Variants in ZNF462 observed in about 807,000 individuals in gnomAD.
ZNF462 encodes zinc finger protein 462.
A neutral mutation model predicts 201.9 loss-of-function variants in ZNF462; 10 were observed. The ratio of observed to expected loss-of-function variants is 0.05; its 90% CI spans 0.03 to 0.08. The LOEUF (loss-of-function observed/expected upper bound fraction) is 0.08. ZNF462 is among the 10% of genes least tolerant of loss of function. ZNF462 has a pLI of 1.00. For missense variants in ZNF462, 2,523 were observed against 3,168.3 expected, an observed-to-expected ratio of 0.80 and a Z score of 4.89; for synonymous variants, 1,227 against 1,193.3, an observed-to-expected ratio of 1.03 and a Z score of -0.58.
chr9:106,860,850 G>C (rs1297851726), upstream of ZNF462, among the ~76,000 whole-genome samples: 2 of 152,016 alleles, frequency 1.3e-5, no homozygotes, highest in Admixed American at 1.3e-4. This position sits in a 1 kb window ranked among gnomAD's most constrained non-coding sequence, Gnocchi z 7.1. Flanking sequence ...AGGTCCCTCC[G>C]GGCACTCGGA....
chr9:106,930,581 C>T lies in ZNF462; in HGVS notation c.5904C>T (p.Tyr1968=). 1.2e-6 allele frequency: 2 copies of T among 1,614,120 alleles called. No homozygotes were observed. Among genetic ancestry groups the T allele is most frequent in the African/African-American group, 1.3e-5 (1 of 75,016 alleles). The change falls in exon 4 of 13, where the codon TAC becomes TAT. Residue 1968 remains tyrosine (Y), a synonymous_variant. Coordinates refer to ENST00000277225, the MANE Select transcript of ZNF462 (RefSeq NM_021224.6). This position sits in a 1 kb window ranked among gnomAD's most constrained non-coding sequence, Gnocchi z 5.8. ...PKIKERKVVG[Y]KCKFCVEVHP... is the part of the protein sequence containing the mutation. Reference sequence around the variant, plus strand: ...TCAAGGAGAGGAAAGTGGTGGGCTACAAATGTAAATTCTGTGTGGAAGTGC... The same window carrying T: ...TCAAGGAGAGGAAAGTGGTGGGCTATAAATGTAAATTCTGTGTGGAAGTGC...
chr9:106,936,786 A>T (rs995374972), intron 6 of ZNF462, among the ~76,000 whole-genome samples: 2 of 152,162 alleles, frequency 1.3e-5, no homozygotes, highest in African/African-American at 2.4e-5. Context: ...CTGGGAAGAG[A>T]TGATTCGGCC....
chr9:106,966,456 T>C lies in ZNF462; in HGVS notation c.6428-5549T>C, dbSNP rs976575870. Among the ~76,000 whole-genome samples the C allele has an allele frequency of 1.3e-5, 2 of 152,154 alleles. No homozygotes were observed. The highest frequency in any genetic ancestry group is 2.9e-5 in the Non-Finnish European group (2 of 68,004). On this transcript the variant is annotated intron_variant, in intron 7 of 12. Transcript: ENST00000277225. The surrounding 1 kb of genome is among the most constrained non-coding windows in gnomAD (Gnocchi z 4.4). The stretch of plus-strand genomic sequence containing the variant: ...TTAGCACACTAATTAATACTAGTTA[T>C]ATTTATTAATGGACACTCATAGTTC...
rs1377681972 is a variant in ZNF462 at position 106,865,674 on chromosome 9, T to C, written c.-31+2319T>C. Among the ~76,000 whole-genome samples, 1 of 152,230 alleles carries C rather than the reference T, an allele frequency of 6.6e-6. No individual in the cohort carries two copies. The highest frequency in any genetic ancestry group is 2.4e-5 in the African/African-American group (1 of 41,458). ...AAGTACTCTTAAGTCTTCAGAAATA[T>C]CAGTATGTCTTCTTAACAATGTCGC... On this transcript the variant is annotated intron_variant, in intron 1 of 12. Transcript: ENST00000277225. The surrounding 1 kb of genome is among the most constrained non-coding windows in gnomAD (Gnocchi z 4.1).
At chr9:106,975,175 C>T (rs898284999) in intron 9 of ZNF462, 3 of 152,212 alleles carry the variant, frequency 2.0e-5, no homozygotes, top group African/African-American at 7.2e-5. Flanking sequence ...ATTGGTGTTT[C>T]TACTGATCTT....
At chr9:106,999,842 C>T (rs1372190709) in intron 10 of ZNF462, among the ~76,000 whole-genome samples, 1 of 152,084 alleles carries the variant, frequency 6.6e-6, no homozygotes, top group East Asian at 1.9e-4. Flanking sequence ...GCGAGAATAA[C>T]ACCCTCTCTT....
Position 106,948,286 on chromosome 9 carries a change from G to A in ZNF462, c.6427+9179G>A, listed in dbSNP as rs139563696. Among the ~76,000 whole-genome samples, 11 of 152,276 alleles carry A rather than the reference G, an allele frequency of 7.2e-5. No homozygotes were observed. The East Asian group carries it at 2.1e-3, about 29-fold the overall frequency. ...ACTTAACACTGGGAAGAGGACTTTG[G>A]ATTTATTAAGAAACAGACTCAATGG... On this transcript the variant is annotated intron_variant, in intron 7 of 12. Transcript: ENST00000277225.
intron 1 of ZNF462, among the ~76,000 whole-genome samples, chr9:106,864,594 A>AG (rs1354125062): frequency 6.6e-6 from 1 of 152,164 alleles, no homozygotes; most frequent in Admixed American, 6.5e-5. Flanking sequence ...CCATTCCTGA[A>AG]GGAACCCTCG....
intron 7 of ZNF462, among the ~76,000 whole-genome samples, chr9:106,965,635 A>C (rs1027197836): frequency 6.6e-6 from 1 of 152,102 alleles, no homozygotes; most frequent in Non-Finnish European, 1.5e-5. Flanking sequence ...CCATTTACCA[A>C]CATTCAGAAC....
At chr9:106,982,150 T>C (rs1260512445) in intron 9 of ZNF462, among the ~76,000 whole-genome samples, 1 of 152,244 alleles carries the variant, frequency 6.6e-6, no homozygotes. Flanking sequence ...TCATGGGTTC[T>C]GTCCATGAGT....
At chr9:106,910,365 T>A (rs1348469258) in intron 1 of ZNF462, among the ~76,000 whole-genome samples, 3 of 144,824 alleles carry the variant, frequency 2.1e-5, no homozygotes, top group South Asian at 4.5e-4. Context: ...TGTTTTAGTT[T>A]TTTTTTTTTT....
At chr9:106,990,882 A>G (rs948770801) in intron 10 of ZNF462, among the ~76,000 whole-genome samples, 1 of 152,050 alleles carries the variant, frequency 6.6e-6, no homozygotes, top group African/African-American at 2.4e-5. Context: ...TGGCAGTGCT[A>G]TTGAAACTGA....
Position 106,929,386 on chromosome 9 carries a change from A to G in ZNF462, c.5474A>G (p.Glu1825Gly), listed in dbSNP as rs776254575. 5.0e-6 allele frequency: 8 copies of G among 1,613,978 alleles called. No homozygotes were observed. The South Asian group carries it at 7.7e-5, about 16-fold the overall frequency. Residue 1825 changes from glutamate to glycine, a missense_variant, in exon 3 of 13, where the codon GAG becomes GGG. By Grantham distance (98) the Glu-to-Gly change is moderately conservative. Transcript: ENST00000277225. This position sits in a 1 kb window ranked among gnomAD's most constrained non-coding sequence, Gnocchi z 8.7. ...HEKPTLMEEE[E>G]RGNFEKAEVE... is the part of the protein sequence containing the mutation. ...AAGCCCACACTGATGGAAGAAGAGGAGAGAGGCAACTTTGAGAAAGCCGAG... is the reference window on the plus strand; with the variant it reads ...AAGCCCACACTGATGGAAGAAGAGGGGAGAGGCAACTTTGAGAAAGCCGAG...
chr9:106,956,945 C>T (rs1000257933), intron 7 of ZNF462, among the ~76,000 whole-genome samples: 15 of 152,150 alleles, frequency 9.9e-5, no homozygotes, highest in African/African-American at 3.4e-4. Flanking sequence ...CAGGCTACTA[C>T]AACTTTCTCC....
At position 106,903,964 on chromosome 9, in the gene ZNF462, AT is replaced by A. The variant is rs1451216014; in HGVS notation, c.-30-19388del. ...AGGTACCATTGCTTTCATCATGCTC[AT>A]TGTTGCCTGTGTACTTTGGTTTTTT... On this transcript the variant is annotated intron_variant, in intron 1 of 12. Coordinates refer to ENST00000277225, the MANE Select transcript of ZNF462 (RefSeq NM_021224.6). 2.6e-5 allele frequency among the ~76,000 whole-genome samples: 4 copies of A among 152,220 alleles called. No individual in the cohort carries two copies. The East Asian group carries it at 7.7e-4, about 29-fold the overall frequency.
At chr9:106,989,501 T>C in intron 10 of ZNF462, among the ~76,000 whole-genome samples, 1 of 152,088 alleles carries the variant, frequency 6.6e-6, no homozygotes, top group Non-Finnish European at 1.5e-5. Context: ...GTAGTTTTCT[T>C]TTTTGGTTAT....
Position 106,905,223 on chromosome 9 carries a change from C to G in ZNF462, c.-30-18131C>G, listed in dbSNP as rs1257672297. Among the ~76,000 whole-genome samples the G allele has an allele frequency of 1.3e-5, 2 of 152,140 alleles. No individual in the cohort carries two copies. The highest frequency in any genetic ancestry group is 3.9e-4 in the East Asian group (2 of 5,178). On this transcript the variant is annotated intron_variant, in intron 1 of 12. Coordinates refer to ENST00000277225, the MANE Select transcript of ZNF462 (RefSeq NM_021224.6). The surrounding 1 kb of genome is among the most constrained non-coding windows in gnomAD (Gnocchi z 5.9). ...TGGGTCTAGCTACCCAGCGAGTCCA[C>G]CCAGCAACAGGCTGGTTGGGGGTTT... is the stretch of plus-strand genomic sequence containing the variant.
intron 1 of ZNF462, among the ~76,000 whole-genome samples, chr9:106,906,177 T>G (rs141566729): frequency 6.6e-6 from 1 of 151,748 alleles, no homozygotes; most frequent in Non-Finnish European, 1.5e-5. Flanking sequence ...CAGTGGGGGG[T>G]GTGTGTTTGG....
intron 11 of ZNF462, among the ~76,000 whole-genome samples, chr9:107,007,519 G>A (rs2132730696): frequency 6.6e-6 from 1 of 152,284 alleles, no homozygotes; most frequent in East Asian, 1.9e-4. Flanking sequence ...GAGGGTGGGG[G>A]ATTTACATGA....
Sources: allele counts gnomAD v4.1 joint callset (sites outside exome capture counted in the v4.1 genomes callset), GRCh38; gene constraint gnomAD v4.1.1; non-coding constraint Gnocchi (gnomAD v3.1); transcripts MANE v1.5; gene names NCBI Gene and HGNC (gene_info 2026-07-23, HGNC 2026-07-21).